Variants in SCNN1B observed in about 807,000 individuals in gnomAD.
SCNN1B encodes the protein epithelial sodium channel subunit beta.
In SCNN1B, 46 loss-of-function variants were observed where a neutral mutation model predicts 65.3. The ratio of observed to expected loss-of-function variants is 0.70; its 90% CI spans 0.56 to 0.90. The LOEUF is 0.90. Ranked by LOEUF, SCNN1B falls within the 40% of genes least tolerant of loss-of-function variation. The pLI is 0.00. For missense variants in SCNN1B, 751 were observed against 830.5 expected (o/e 0.90, Z 1.18); for synonymous variants, 349 against 330.6 (o/e 1.06, Z -0.60).
In SCNN1B at chr16:23,348,719, C is replaced by T. The variant is rs1962241993; in HGVS notation, c.120C>T (p.Arg40=). 9.3e-6 allele frequency: 15 copies of T among 1,614,194 alleles called. No individual in the cohort carries two copies. Among genetic ancestry groups the T allele is most frequent in the Non-Finnish European group, 1.3e-5 (15 of 1,180,044 alleles). Residue 40 remains arginine (R), a synonymous_variant, in exon 2 of 13, where the codon CGC becomes CGT. Coordinates refer to ENST00000343070, the MANE Select transcript of SCNN1B (RefSeq NM_000336.3). The surrounding 1 kb of genome is among the most constrained non-coding windows in gnomAD (Gnocchi z 4.5). ...ACACCAACACCCACGGCCCCAAGCG[C>T]ATCATCTGTGAGGGGCCCAAGAAGA... The part of the protein sequence containing the change: ...CDNTNTHGPK[R]IICEGPKKKA...
At chr16:23,369,872 A>G (rs1962747260) in intron 5 of SCNN1B, among the ~76,000 whole-genome samples, 1 of 152,222 alleles carries the variant, frequency 6.6e-6, no homozygotes, top group Admixed American at 6.5e-5. Flanking sequence ...CATCTGTAAA[A>G]TGGGGACAAT....
At chr16:23,365,575 GAAAGAAAGAAAGAGAA>G (rs1300230050) in intron 4 of SCNN1B, among the ~76,000 whole-genome samples, 2 of 85,266 alleles carry the variant, frequency 2.3e-5, no homozygotes, top group Non-Finnish European at 4.1e-5. Context: ...AAGAAAGAAA[GAAAGAAAGAAAGAGAA>G]AGAAAGAAAG....
Position 23,368,945 on chromosome 16 carries a change from A to G in SCNN1B, c.880+986A>G, listed in dbSNP as rs867319711. Among the ~76,000 whole-genome samples, 42 of 152,314 alleles carry G rather than the reference A, an allele frequency of 2.8e-4. 1 individual carries two copies. In the Middle Eastern group the frequency reaches 0.02, roughly 74 times the overall value. On this transcript the variant is annotated intron_variant, in intron 5 of 12. Transcript: ENST00000343070. ...GGGACAAGAAATTAATGAGTACAGT[A>G]TATATGATTCCAGTGAAGGTTACAC...
intron 11 of SCNN1B, 116 bp from the exon 12 acceptor site, chr16:23,379,978 A>G (rs778944522): frequency 8.4e-6 from 7 of 829,596 alleles, no homozygotes; most frequent in Non-Finnish European, 1.5e-5. Flanking sequence ...ATGTGTGTGC[A>G]TACATGTGGG....
chr16:23,318,565 C>T (rs939491196), intron 1 of SCNN1B, among the ~76,000 whole-genome samples: 4 of 152,100 alleles, frequency 2.6e-5, no homozygotes, highest in African/African-American at 4.8e-5. Flanking sequence ...GCCGAGATTG[C>T]GCCAAGGCAC....
At position 23,380,591 on chromosome 16, in the gene SCNN1B, C is replaced by T. The variant is rs758251652; in HGVS notation, c.1713C>T (p.Tyr571=). The T allele has an allele frequency of 4.2e-5, 67 of 1,613,970 alleles. No homozygotes were observed. Among genetic ancestry groups the T allele is most frequent in the African/African-American group, 9.3e-5 (7 of 74,930 alleles). Residue 571 remains tyrosine (Y), a synonymous_variant, in exon 13 of 13, where the codon TAC becomes TAT. Transcript: ENST00000343070. The surrounding 1 kb of genome is among the most constrained non-coding windows in gnomAD (Gnocchi z 5.4). Reference sequence around the variant, plus strand: ...GGCAGCGGCGAGCCCAAGCCAGCTACGCTGGCCCACCGCCCACCGTGGCCG... The same window carrying T: ...GGCAGCGGCGAGCCCAAGCCAGCTATGCTGGCCCACCGCCCACCGTGGCCG... The part of the protein sequence containing the change: ...SLRQRRAQAS[Y]AGPPPTVAEL...
chr16:23,375,614 C>G, intron 7 of SCNN1B, 124 bp from the exon 8 acceptor site: 1 of 785,374 alleles, frequency 1.3e-6, no homozygotes, highest in Non-Finnish European at 2.3e-6. Context: ...CCCTGGAGCA[C>G]CTCCACCAGC....
chr16:23,308,496 C>T (rs1006914644), intron 1 of SCNN1B, among the ~76,000 whole-genome samples: 14 of 152,198 alleles, frequency 9.2e-5, no homozygotes, highest in African/African-American at 3.4e-4. Flanking sequence ...GTACTCCAGC[C>T]TAGGTGATAG....
chr16:23,332,904 A>G (rs1267047558), intron 1 of SCNN1B, among the ~76,000 whole-genome samples: 1 of 152,100 alleles, frequency 6.6e-6, no homozygotes, highest in Non-Finnish European at 1.5e-5. Flanking sequence ...CCCCACCTCT[A>G]CTAAAAATAC....
At chr16:23,377,482 C>T in intron 10 of SCNN1B, 96 bp downstream of exon 10, 1 of 1,075,050 alleles carries the variant, frequency 9.3e-7, no homozygotes, top group Non-Finnish European at 1.4e-6. Context: ...GAAGGGGGTG[C>T]CTTTTTCCCT....
chr16:23,343,648 AAAAAAAG>A, intron 1 of SCNN1B, among the ~76,000 whole-genome samples: 1 of 116,024 alleles, frequency 8.6e-6, no homozygotes, highest in African/African-American at 3.6e-5. Context: ...AGAAAGAAAG[AAAAAAAG>A]AAAGGAAGGA....
At chr16:23,328,842 C>A (rs1437151544) in intron 1 of SCNN1B, among the ~76,000 whole-genome samples, 1 of 152,142 alleles carries the variant, frequency 6.6e-6, no homozygotes, top group African/African-American at 2.4e-5. Context: ...GTCACCCAGG[C>A]TGGAGGGCAG....
rs1290394802 is a variant in SCNN1B, at chr16:23,329,148, G to T, written c.-8-19444G>T. The stretch of plus-strand genomic sequence containing the variant: ...ATTATTAGAGACAGGGTCTCGCTCT[G>T]TCCCCCAGGCTGGAGTGCAATGGTG... On this transcript the variant is annotated intron_variant, in intron 1 of 12. Transcript: ENST00000343070. 6.6e-5 allele frequency among the ~76,000 whole-genome samples: 10 copies of T among 150,866 alleles called. No homozygotes were observed. The Admixed American group carries it at 6.6e-4, about 10-fold the overall frequency.
chr16:23,323,728 C>T lies in SCNN1B; in HGVS notation c.-9+21291C>T, dbSNP rs72654306. ...ACCAGGTTGCAAGGTGTCTTAGAAG[C>T]CAGCTAAGGGTTGAGGGGCCTTTAT... On this transcript the variant is annotated intron_variant, in intron 1 of 12. Transcript: ENST00000343070. The T allele has an allele frequency of 1.2e-4, 76 of 637,746 alleles. 1 individual carries two copies. In the African/African-American group the frequency reaches 1.3e-3, roughly 11 times the overall value. 39.5% of individuals were successfully genotyped at this position (637,746 alleles called of 1,614,324 possible). A position where few individuals can be genotyped will look rare whatever the true frequency, so the allele number is the denominator to read the frequency against.
chr16:23,313,934 A>G (rs183744167), intron 1 of SCNN1B, among the ~76,000 whole-genome samples: 61 of 152,256 alleles, frequency 4.0e-4, no homozygotes, highest in African/African-American at 1.4e-3. Context: ...GTATGACTAC[A>G]TGCCAGGCAT....
intron 4 of SCNN1B, among the ~76,000 whole-genome samples, chr16:23,356,080 C>A (rs563159177): frequency 6.6e-6 from 1 of 152,108 alleles, no homozygotes; most frequent in Non-Finnish European, 1.5e-5. Context: ...GGGGACCAGC[C>A]TTTCTGCGTG....
intron 1 of SCNN1B, among the ~76,000 whole-genome samples, chr16:23,306,724 A>G (rs1473790733): frequency 6.6e-6 from 1 of 152,240 alleles, no homozygotes; most frequent in Non-Finnish European, 1.5e-5. Context: ...AAAGCATTCC[A>G]CACAGTGGAA....
chr16:23,333,354 G>A (rs192071499), intron 1 of SCNN1B, among the ~76,000 whole-genome samples: 41 of 152,282 alleles, frequency 2.7e-4, no homozygotes, highest in African/African-American at 9.4e-4. Context: ...GAGACCTTGG[G>A]GAGTATGGGA....
chr16:23,316,345 C>T (rs1425964423), intron 1 of SCNN1B, among the ~76,000 whole-genome samples: 3 of 149,422 alleles, frequency 2.0e-5, no homozygotes, highest in South Asian at 2.2e-4. Context: ...CCACCATCGC[C>T]GTCACCATCT....
Sources: allele counts gnomAD v4.1 joint callset (sites outside exome capture counted in the v4.1 genomes callset), GRCh38; gene constraint gnomAD v4.1.1; non-coding constraint Gnocchi (gnomAD v3.1); transcripts MANE v1.5; gene names NCBI Gene and HGNC (gene_info 2026-07-23, HGNC 2026-07-21).